The following CUL5 variants were observed in gnomAD, a reference collection of about 807,000 sequenced individuals.
CUL5 encodes the protein cullin-5.
Under a neutral mutation model 108.8 loss-of-function variants are expected in CUL5, and 26 were observed. That is an observed-to-expected ratio of 0.24 (90% CI 0.18 to 0.33). The LOEUF is 0.33. Ranked by LOEUF, CUL5 falls within the 10% of genes least tolerant of loss-of-function variation. The pLI, the probability that CUL5 is intolerant of heterozygous loss-of-function variation, is 1.00. For missense variants in CUL5, 524 were observed against 909.2 expected, an observed-to-expected ratio of 0.58 and a Z score of 5.45; for synonymous variants, 334 against 298.0, an observed-to-expected ratio of 1.12 and a Z score of -1.25.
chr11:108,036,897 G>C (rs1284689143), intron 2 of CUL5, among the ~76,000 whole-genome samples: 1 of 152,174 alleles, frequency 6.6e-6, no homozygotes, highest in Admixed American at 6.5e-5. Flanking sequence ...GGGAGGAACT[G>C]CAGGCAGCAG....
intron 1 of CUL5, among the ~76,000 whole-genome samples, chr11:108,024,512 A>G (rs980415227): frequency 1.3e-5 from 2 of 152,242 alleles, no homozygotes; most frequent in Admixed American, 1.3e-4. Context: ...AAGTGTTTGG[A>G]ACAGTACAGC....
intron 7 of CUL5, among the ~76,000 whole-genome samples, chr11:108,061,501 A>G (rs1863532796): frequency 6.6e-6 from 1 of 152,202 alleles, no homozygotes; most frequent in South Asian, 2.1e-4. Context: ...AAATATTTAC[A>G]CAAGTAGAGA....
At chr11:108,080,603 C>T (rs1302358759) in intron 11 of CUL5, among the ~76,000 whole-genome samples, 1 of 152,042 alleles carries the variant, frequency 6.6e-6, no homozygotes, top group Non-Finnish European at 1.5e-5. Context: ...ACCATGTTGA[C>T]CAGGATGGTC....
At chr11:108,017,626 G>A (rs1862233304) in intron 1 of CUL5, among the ~76,000 whole-genome samples, 1 of 152,302 alleles carries the variant, frequency 6.6e-6, no homozygotes, top group East Asian at 1.9e-4. Context: ...CAGGTGGGAA[G>A]ATCGCTTGAG....
chr11:108,028,382 G>C (rs1021406565), intron 1 of CUL5, among the ~76,000 whole-genome samples: 2 of 152,022 alleles, frequency 1.3e-5, no homozygotes, highest in African/African-American at 4.8e-5. Flanking sequence ...CACCTTTTGG[G>C]CATCTAAAAT....
intron 2 of CUL5, among the ~76,000 whole-genome samples, chr11:108,040,028 T>G (rs1862854506): frequency 6.6e-6 from 1 of 152,252 alleles, no homozygotes; most frequent in South Asian, 2.1e-4. Context: ...TCAAAACCTC[T>G]GGAATAGTTT....
In CUL5 at chr11:108,073,435, T is replaced by A; in HGVS notation, c.1051T>A (p.Phe351Ile). The part of the protein sequence containing the change: ...VEQLLTLFNR[F>I]SKLVKEAFQD... ...GCAGTTACTTACACTATTTAATAGA[T>A]TTAGTAAACTCGTCAAAGAAGCTTT... Residue 351 changes from phenylalanine to isoleucine, a missense_variant, in exon 10 of 19, where the codon TTT becomes ATT. By Grantham distance (21) the Phe-to-Ile change is conservative. Transcript: ENST00000393094. The A allele has an allele frequency of 6.3e-7, 1 of 1,597,616 alleles. No homozygotes were observed. The highest frequency in any genetic ancestry group is 8.5e-7 in the Non-Finnish European group (1 of 1,170,194).
chr11:108,032,592 T>C (rs949361895), intron 1 of CUL5, among the ~76,000 whole-genome samples: 2 of 152,152 alleles, frequency 1.3e-5, no homozygotes, highest in Non-Finnish European at 2.9e-5. Context: ...TCTCTCTCTC[T>C]CTCTCTCTCT....
chr11:108,075,105 G>C (rs1180130194), intron 10 of CUL5, among the ~76,000 whole-genome samples: 2 of 152,048 alleles, frequency 1.3e-5, no homozygotes, highest in East Asian at 3.9e-4. Flanking sequence ...AAGAATACCA[G>C]TTAAGAACTT....
intron 1 of CUL5, among the ~76,000 whole-genome samples, chr11:108,019,600 A>G (rs533124359): frequency 3.3e-5 from 5 of 152,324 alleles, no homozygotes; most frequent in African/African-American, 9.6e-5. Flanking sequence ...TAGTAGTGCA[A>G]TAACACATCA....
At chr11:108,040,364 C>T (rs1388154827) in intron 2 of CUL5, among the ~76,000 whole-genome samples, 5 of 152,148 alleles carry the variant, frequency 3.3e-5, no homozygotes, top group Non-Finnish European at 5.9e-5. Flanking sequence ...GTAATCCCAG[C>T]ACTTTGGGAG....
chr11:108,066,156 C>T (rs1029501091), intron 7 of CUL5, among the ~76,000 whole-genome samples: 3 of 152,060 alleles, frequency 2.0e-5, no homozygotes, highest in Admixed American at 6.6e-5. Context: ...CTGGCTAACA[C>T]GGTGAAACCC....
At chr11:108,059,521 A>G (rs1233982336) in intron 7 of CUL5, among the ~76,000 whole-genome samples, 1 of 152,094 alleles carries the variant, frequency 6.6e-6, no homozygotes, top group African/African-American at 2.4e-5. Flanking sequence ...CACAGATGTT[A>G]TTTTACCAGC....
chr11:108,051,539 T>C (rs1459477898), intron 4 of CUL5, among the ~76,000 whole-genome samples: 1 of 152,240 alleles, frequency 6.6e-6, no homozygotes, highest in Non-Finnish European at 1.5e-5. Flanking sequence ...ATGAGTGTTA[T>C]AAAACTGTTA....
At chr11:108,061,170 A>G (rs1039178982) in intron 7 of CUL5, among the ~76,000 whole-genome samples, 4 of 152,248 alleles carry the variant, frequency 2.6e-5, no homozygotes, top group Non-Finnish European at 5.9e-5. Flanking sequence ...AAGGGAATAC[A>G]AGGTGAGAGA....
chr11:108,048,360 G>C (rs1452495908), intron 3 of CUL5, among the ~76,000 whole-genome samples: 1 of 152,114 alleles, frequency 6.6e-6, no homozygotes, highest in Non-Finnish European at 1.5e-5. Flanking sequence ...ATTTGGGCTG[G>C]TCTCAGATGA....
chr11:108,040,831 G>GAA (rs1418882623), intron 2 of CUL5, among the ~76,000 whole-genome samples: 1 of 152,050 alleles, frequency 6.6e-6, no homozygotes, highest in African/African-American at 2.4e-5. Flanking sequence ...GCAAGGCAGA[G>GAA]AAGTAACTGG....
At chr11:108,094,663 A>G (rs71488291) in intron 14 of CUL5, 149 bp downstream of exon 14, 28,591 of 798,056 alleles carry the variant, frequency 0.036, 708 homozygotes, top group Middle Eastern at 0.091. Context: ...GCAGTGTGTT[A>G]GATTTACAGA....
At chr11:108,089,969 G>A (rs1055135565) in intron 13 of CUL5, among the ~76,000 whole-genome samples, 1 of 151,952 alleles carries the variant, frequency 6.6e-6, no homozygotes, top group Non-Finnish European at 1.5e-5. Flanking sequence ...GAACCCAGGA[G>A]GTGGAGGTTG....
Sources: allele counts gnomAD v4.1 joint callset (sites outside exome capture counted in the v4.1 genomes callset), GRCh38; gene constraint gnomAD v4.1.1; transcripts MANE v1.5; gene names NCBI Gene and HGNC (gene_info 2026-07-23, HGNC 2026-07-21).